The following CCK variants were observed in gnomAD, a reference collection of about 807,000 sequenced individuals.
CCK encodes cholecystokinin.
CCK carries 11 observed loss-of-function variants against 10.1 expected under a neutral mutation model. The ratio of observed to expected loss-of-function variants is 1.09; its 90% CI spans 0.69 to 1.81. The LOEUF (loss-of-function observed/expected upper bound fraction) is 1.81, where lower values mean the gene tolerates loss of function less well. CCK is among the 40% of genes most tolerant of loss of function. The pLI is 0.00. For missense variants in CCK, 137 were observed against 159.9 expected (o/e 0.86, Z 0.77); for synonymous variants, 83 against 71.9 (o/e 1.15, Z -0.78).
intron 4 of CCK, among the ~76,000 whole-genome samples, chr3:42,258,850 T>C (rs1430926511): frequency 6.6e-6 from 1 of 152,214 alleles, no homozygotes; most frequent in African/African-American, 2.4e-5. Context: ...ATCCCATTAC[T>C]GGGTATATAC....
chr3:42,262,402 T>C (rs1559424736), intron 4 of CCK, among the ~76,000 whole-genome samples: 1 of 152,006 alleles, frequency 6.6e-6, no homozygotes, highest in Non-Finnish European at 1.5e-5. Flanking sequence ...GTATTTTTAG[T>C]AGAGATGGGG....
At chr3:42,258,350 G>A (rs577612408) in intron 4 of CCK, 119 bp from the exon 5 acceptor site, 1 of 1,075,566 alleles carries the variant, frequency 9.3e-7, no homozygotes, top group Admixed American at 2.7e-5. Flanking sequence ...CACCTTAAAG[G>A]TATCAAAGAG....
chr3:42,259,432 T>C (rs1275724429), intron 4 of CCK, among the ~76,000 whole-genome samples: 1 of 152,246 alleles, frequency 6.6e-6, no homozygotes, highest in Non-Finnish European at 1.5e-5. Flanking sequence ...CAGAAAGCTT[T>C]TGTCATTTAT....
intron 4 of CCK, among the ~76,000 whole-genome samples, chr3:42,258,794 G>A (rs1711173428): frequency 6.6e-6 from 1 of 152,132 alleles, no homozygotes; most frequent in East Asian, 1.9e-4. Flanking sequence ...AGACAGTGTG[G>A]CAATCCCTCA....
At chr3:42,265,148 A>C (rs1236944932) in intron 2 of CCK, 121 bp downstream of exon 2, 1 of 127,712 alleles carries the variant, frequency 7.8e-6, no homozygotes, top group East Asian at 2.8e-4. Flanking sequence ...CTAGAAAGGA[A>C]ACTGGGGGCG....
At position 42,259,419 on chromosome 3, in the gene CCK, A is replaced by T. The variant is rs551963479; in HGVS notation, c.215-1188T>A. ...TTAAAAATATGAATTTGAAAGTTAT[A>T]TTCAGAAAGCTTTTGTCATTTATCA... is the stretch of plus-strand genomic sequence containing the variant. On this transcript the variant is annotated intron_variant, in intron 4 of 4. Coordinates refer to ENST00000396169, the MANE Select transcript of CCK (RefSeq NM_000729.6). Among the ~76,000 whole-genome samples the T allele has an allele frequency of 3.2e-4, 49 of 152,368 alleles. 1 individual carries two copies. In the South Asian group the frequency reaches 9.9e-3, roughly 31 times the overall value.
intron 3 of CCK, chr3:42,263,982 G>A (rs1420995129): frequency 4.2e-6 from 1 of 238,404 alleles, no homozygotes; most frequent in East Asian, 8.1e-5. Flanking sequence ...AACCCCACGA[G>A]ATTAAAAATA....
chr3:42,260,029 T>C (rs1005097651), intron 4 of CCK, among the ~76,000 whole-genome samples: 4 of 152,224 alleles, frequency 2.6e-5, no homozygotes, highest in Admixed American at 2.6e-4. Flanking sequence ...CTATGGCTTA[T>C]GTGTTGATAA....
At chr3:42,261,322 C>G (rs1711207370) in intron 4 of CCK, among the ~76,000 whole-genome samples, 1 of 152,066 alleles carries the variant, frequency 6.6e-6, no homozygotes, top group South Asian at 2.1e-4. Context: ...ATTCTATATA[C>G]TGCACATATA....
chr3:42,263,384 C>G, intron 4 of CCK, 33 bp downstream of exon 4: 1 of 1,614,076 alleles, frequency 6.2e-7, no homozygotes. Context: ...GGAACAAGGG[C>G]AGAAGTGAGG....
intron 3 of CCK, among the ~76,000 whole-genome samples, chr3:42,264,237 T>C (rs1482246182): frequency 2.0e-5 from 3 of 152,248 alleles, no homozygotes; most frequent in African/African-American, 7.2e-5. Flanking sequence ...ATCAGAAATA[T>C]GTGCCCAGCG....
At chr3:42,261,362 A>C (rs977591455) in intron 4 of CCK, among the ~76,000 whole-genome samples, 1 of 152,214 alleles carries the variant, frequency 6.6e-6, no homozygotes, top group Non-Finnish European at 1.5e-5. Context: ...ATGTGTAAGT[A>C]TTTAGTCCTA....
At position 42,263,594 on chromosome 3, in the gene CCK, C is replaced by T. The variant is rs772073671; in HGVS notation, c.37G>A (p.Val13Ile). Residue 13 changes from valine to isoleucine, a missense_variant, in exon 4 of 5, where the codon GTA (valine) becomes ATA (isoleucine). By Grantham distance (29) the Val-to-Ile change is conservative (BLOSUM62 3). Transcript: ENST00000396169. ...TGCGTCAGGGCGCCAGCCGCCAGTA[C>T]CGCCATCAGCACGCACAGGCACACG... ...SGVCLCVLMA[V>I]LAAGALTQPV... The T allele has an allele frequency of 5.0e-6, 8 of 1,607,326 alleles. No homozygotes were observed. The African/African-American group carries it at 9.4e-5, about 19-fold the overall frequency.
At position 42,257,931 on chromosome 3, in the gene CCK, T is replaced by G. The variant is rs1711157470; in HGVS notation, c.*167A>C. On this transcript the variant is annotated 3_prime_UTR_variant, in exon 5 of 5. Coordinates refer to ENST00000396169, the MANE Select transcript of CCK (RefSeq NM_000729.6). ...GCACAATTCTGGTGAGGTGTGTGGT[T>G]GCACTGGACAATCTTACAGACACAT... is the stretch of plus-strand genomic sequence containing the variant. The G allele has an allele frequency of 1.5e-6, 1 of 650,806 alleles. No individual in the cohort carries two copies. 40.3% of individuals were successfully genotyped at this position (650,806 alleles called of 1,614,324 possible).
chr3:42,259,347 T>C (rs1309886707), intron 4 of CCK, among the ~76,000 whole-genome samples: 3 of 152,142 alleles, frequency 2.0e-5, no homozygotes, highest in Admixed American at 6.5e-5. Context: ...ACTTAAAGTA[T>C]AATAAAAAAT....
At chr3:42,262,487 TG>T (rs1372305752) in intron 4 of CCK, among the ~76,000 whole-genome samples, 1 of 152,188 alleles carries the variant, frequency 6.6e-6, no homozygotes, top group Non-Finnish European at 1.5e-5. Context: ...CCCAAAGTGC[TG>T]GGATTACAGG....
chr3:42,260,967 G>C (rs1193145006), intron 4 of CCK, among the ~76,000 whole-genome samples: 1 of 152,172 alleles, frequency 6.6e-6, no homozygotes, highest in Non-Finnish European at 1.5e-5. Context: ...GGTTACTCAG[G>C]CTTTTAGAGC....
chr3:42,261,659 A>G (rs558793032), intron 4 of CCK, among the ~76,000 whole-genome samples: 1 of 151,698 alleles, frequency 6.6e-6, no homozygotes, highest in South Asian at 2.1e-4. Context: ...CCAAGACTCA[A>G]TTCGGCACAT....
chr3:42,259,359 GATAA>G (rs1343723534), intron 4 of CCK, among the ~76,000 whole-genome samples: 14 of 152,202 alleles, frequency 9.2e-5, no homozygotes, highest in African/African-American at 3.1e-4. Context: ...ATAAAAAATA[GATAA>G]ATAAAGCTCC....
Sources: gnomAD v4.1 joint callset for allele counts (sites outside exome capture counted in the v4.1 genomes callset) on GRCh38, gnomAD v4.1.1 for gene constraint, MANE v1.5 for transcripts, NCBI Gene and HGNC (gene_info 2026-07-23, HGNC 2026-07-21) for gene names.